SPATA17: variants seen among roughly 807,000 people sequenced by gnomAD.
SPATA17 encodes the protein spermatogenesis associated 17.
A neutral mutation model predicts 62.2 loss-of-function variants in SPATA17; 53 were observed. That is an observed-to-expected ratio of 0.85 (90% CI 0.68 to 1.07). The LOEUF (loss-of-function observed/expected upper bound fraction) is 1.07. Ranked by LOEUF, SPATA17 falls within the 50% of genes least tolerant of loss-of-function variation. The pLI, the probability that SPATA17 is intolerant of heterozygous loss-of-function variation, is 0.00. For synonymous variants in SPATA17, 146 were observed against 146.8 expected, an observed-to-expected ratio of 0.99 and a Z score of 0.04; for missense variants, 466 against 425.5, an observed-to-expected ratio of 1.10 and a Z score of -0.84.
intron 1 of SPATA17, among the ~76,000 whole-genome samples, chr1:217,632,468 A>G (rs1571692050): frequency 6.6e-6 from 1 of 152,182 alleles, no homozygotes; most frequent in South Asian, 2.1e-4. Flanking sequence ...TGTCAATGAG[A>G]TAGGGTCTTG....
chr1:217,790,720 G>A (rs1454697970), intron 8 of SPATA17, among the ~76,000 whole-genome samples: 7 of 152,250 alleles, frequency 4.6e-5, no homozygotes, highest in East Asian at 3.9e-4. Context: ...GAGCCACCGC[G>A]CCCGGCCAAA....
chr1:217,701,237 G>T (rs1234350050), intron 5 of SPATA17, among the ~76,000 whole-genome samples: 2 of 151,906 alleles, frequency 1.3e-5, no homozygotes, highest in Non-Finnish European at 2.9e-5. Context: ...GCCTCCCAAA[G>T]TGCTGGGATT....
At chr1:217,723,168 A>G (rs1284621146) in intron 5 of SPATA17, among the ~76,000 whole-genome samples, 2 of 152,186 alleles carry the variant, frequency 1.3e-5, no homozygotes, top group Admixed American at 6.5e-5. Context: ...TATAGTGTTT[A>G]ATATTCTTTC....
At chr1:217,820,274 G>A (rs1674827448) in intron 9 of SPATA17, among the ~76,000 whole-genome samples, 1 of 151,958 alleles carries the variant, frequency 6.6e-6, no homozygotes, top group African/African-American at 2.4e-5. Flanking sequence ...GAAAAAGTGA[G>A]GTTTATGTTT....
intron 9 of SPATA17, among the ~76,000 whole-genome samples, chr1:217,810,519 G>A (rs1674561441): frequency 6.6e-6 from 1 of 151,988 alleles, no homozygotes; most frequent in Non-Finnish European, 1.5e-5. Flanking sequence ...CTACTTGGGG[G>A]GCTGAGGCAG....
At chr1:217,713,591 G>T (rs758036315) in intron 5 of SPATA17, among the ~76,000 whole-genome samples, 1 of 152,078 alleles carries the variant, frequency 6.6e-6, no homozygotes, top group Non-Finnish European at 1.5e-5. Flanking sequence ...CCTGTGCTTC[G>T]TACCTACAAG....
chr1:217,642,550 A>C (rs183395241), intron 1 of SPATA17, among the ~76,000 whole-genome samples: 110 of 152,268 alleles, frequency 7.2e-4, no homozygotes, highest in African/African-American at 2.5e-3. Context: ...ACCAGATCTC[A>C]TCTCGAATTG....
At chr1:217,717,767 T>A (rs1170012331) in intron 5 of SPATA17, among the ~76,000 whole-genome samples, 1 of 152,166 alleles carries the variant, frequency 6.6e-6, no homozygotes, top group Non-Finnish European at 1.5e-5. Flanking sequence ...CTGCCTCCTC[T>A]TTGACCCTTT....
chr1:217,832,826 C>A (rs1005703379), intron 9 of SPATA17, among the ~76,000 whole-genome samples: 3 of 151,832 alleles, frequency 2.0e-5, no homozygotes, highest in African/African-American at 7.3e-5. Flanking sequence ...ATCTGTAGTC[C>A]CAGCTACTTG....
chr1:217,632,400 CA>C (rs1001126807), intron 1 of SPATA17, among the ~76,000 whole-genome samples: 1 of 151,856 alleles, frequency 6.6e-6, no homozygotes, highest in Non-Finnish European at 1.5e-5. Flanking sequence ...AAAGAAACTG[CA>C]AAAAAGTGAA....
At chr1:217,753,828 A>T (rs1168357312) in intron 6 of SPATA17, among the ~76,000 whole-genome samples, 1 of 152,180 alleles carries the variant, frequency 6.6e-6, no homozygotes, top group Non-Finnish European at 1.5e-5. Flanking sequence ...TCAGTGTAAA[A>T]TGTTCCTCCA....
chr1:217,683,587 C>T (rs1044403718), intron 5 of SPATA17, among the ~76,000 whole-genome samples: 31 of 152,010 alleles, frequency 2.0e-4, no homozygotes, highest in Admixed American at 5.9e-4. Flanking sequence ...AACAGGCGCC[C>T]GCCACCACAG....
chr1:217,790,068 TA>T (rs1028102630), intron 8 of SPATA17, among the ~76,000 whole-genome samples: 17 of 151,670 alleles, frequency 1.1e-4, no homozygotes, highest in Non-Finnish European at 2.1e-4. Flanking sequence ...TGGAGGTGAA[TA>T]AAAAAATGTT....
At chr1:217,656,423 G>T (rs929650538) in intron 3 of SPATA17, among the ~76,000 whole-genome samples, 5 of 152,026 alleles carry the variant, frequency 3.3e-5, no homozygotes, top group African/African-American at 2.4e-5. Flanking sequence ...TCCAGATTTG[G>T]ATCTAATTTT....
rs1672646131 is a variant in SPATA17, at chr1:217,742,501, T to C, written c.519+403T>C. Among the ~76,000 whole-genome samples, 3 of 152,350 alleles carry C rather than the reference T, an allele frequency of 2.0e-5. No individual in the cohort carries two copies. The South Asian group carries it at 6.2e-4, about 32-fold the overall frequency. On this transcript the variant is annotated intron_variant, in intron 6 of 10. Coordinates refer to ENST00000366933, the MANE Select transcript of SPATA17 (RefSeq NM_138796.4). ...TGAGCTAACGTTGAGATTAAAACCA[T>C]TTTTCAACCGTTTCTAAATTTTGAT...
intron 9 of SPATA17, among the ~76,000 whole-genome samples, chr1:217,855,925 C>T (rs1183655458): frequency 2.6e-5 from 4 of 151,738 alleles, no homozygotes; most frequent in African/African-American, 4.8e-5. Flanking sequence ...TGGGGTTTCA[C>T]CATGTTGGCC....
chr1:217,742,359 C>T (rs1425915932), intron 6 of SPATA17, among the ~76,000 whole-genome samples: 1 of 152,180 alleles, frequency 6.6e-6, no homozygotes, highest in Non-Finnish European at 1.5e-5. Flanking sequence ...TAACACAACT[C>T]GAAGGGCATA....
intron 9 of SPATA17, among the ~76,000 whole-genome samples, chr1:217,848,582 T>G (rs1675578562): frequency 6.6e-6 from 1 of 152,166 alleles, no homozygotes; most frequent in Admixed American, 6.6e-5. Context: ...CTTGTCGAAG[T>G]TTCTCCACAC....
chr1:217,736,223 A>T (rs749380069), intron 5 of SPATA17, among the ~76,000 whole-genome samples: 32 of 152,294 alleles, frequency 2.1e-4, no homozygotes, highest in Non-Finnish European at 4.0e-4. Context: ...GAGCAGGATT[A>T]TATACTTGTT....
Sources: gnomAD v4.1 joint callset for allele counts (sites outside exome capture counted in the v4.1 genomes callset) on GRCh38, gnomAD v4.1.1 for gene constraint, MANE v1.5 for transcripts, NCBI Gene and HGNC (gene_info 2026-07-23, HGNC 2026-07-21) for gene names.